RBPJ: variants seen among roughly 807,000 people sequenced by gnomAD.
RBPJ encodes the protein recombining binding protein suppressor of hairless.
In RBPJ, 9 loss-of-function variants were observed where a neutral mutation model predicts 67.8. The observed-to-expected ratio is 0.13, with a 90% CI of 0.08 to 0.23. The LOEUF is 0.23. Among genes scored for constraint, RBPJ ranks in the 10% least tolerant of loss-of-function variants. RBPJ has a pLI of 1.00. For synonymous variants in RBPJ, 198 were observed against 203.3 expected (o/e 0.97, Z 0.22); for missense variants, 305 against 595.6 (o/e 0.51, Z 5.08).
At chr4:26,339,476 A>T (rs1315686179) in intron 1 of RBPJ, among the ~76,000 whole-genome samples, 2 of 151,544 alleles carry the variant, frequency 1.3e-5, no homozygotes, top group Admixed American at 6.6e-5. Context: ...TCTACTAAAA[A>T]TACAAAAATT....
At chr4:26,160,477 A>C (rs985132674), upstream of RBPJ, among the ~76,000 whole-genome samples, 2 of 152,172 alleles carry the variant, frequency 1.3e-5, no homozygotes, top group African/African-American at 2.4e-5. Context: ...TTTTTTATGC[A>C]ATGTCCCCTA....
intron 1 of RBPJ, among the ~76,000 whole-genome samples, chr4:26,344,296 G>T (rs192275957): frequency 2.0e-5 from 3 of 152,092 alleles, no homozygotes; most frequent in Non-Finnish European, 4.4e-5. Context: ...GTGCAGTGGC[G>T]TGATTTCGGC....
chr4:26,178,806 T>C (rs1464346116), intron 1 of RBPJ, among the ~76,000 whole-genome samples: 1 of 151,792 alleles, frequency 6.6e-6, no homozygotes, highest in Non-Finnish European at 1.5e-5. Context: ...CGTTGCTTGC[T>C]GATTTAGTTA....
the RBPJ span, among the ~76,000 whole-genome samples, chr4:26,130,021 C>G: frequency 2.0e-5 from 3 of 151,926 alleles, no homozygotes; most frequent in Non-Finnish European, 4.4e-5. Flanking sequence ...ACCACCACGC[C>G]CAGCTAATTT....
intron 1 of RBPJ, among the ~76,000 whole-genome samples, chr4:26,263,318 G>T (rs1239333744): frequency 3.9e-5 from 2 of 51,672 alleles, no homozygotes; most frequent in African/African-American, 7.9e-5. Flanking sequence ...CAGCCCCCCC[G>T]CCCCACCCCG....
At chr4:26,159,099 TAGA>T (rs947559575), upstream of RBPJ, among the ~76,000 whole-genome samples, 1 of 152,074 alleles carries the variant, frequency 6.6e-6, no homozygotes, top group Non-Finnish European at 1.5e-5. Context: ...TGAACTTTGT[TAGA>T]AGGACTGTGA....
intron 1 of RBPJ, among the ~76,000 whole-genome samples, chr4:26,357,865 C>T (rs1434412209): frequency 2.0e-5 from 3 of 152,120 alleles, no homozygotes; most frequent in African/African-American, 4.8e-5. Flanking sequence ...ACCATAATGT[C>T]TTCAAGGTTC....
At chr4:26,178,448 A>G (rs971264633) in intron 1 of RBPJ, among the ~76,000 whole-genome samples, 6 of 151,836 alleles carry the variant, frequency 4.0e-5, no homozygotes, top group Non-Finnish European at 7.4e-5. Context: ...CTGTACAAAA[A>G]TTTTTTTTAA....
At chr4:26,427,553 TGTG>T (rs1355076448) in intron 7 of RBPJ, among the ~76,000 whole-genome samples, 1 of 152,130 alleles carries the variant, frequency 6.6e-6, no homozygotes, top group Admixed American at 6.5e-5. Context: ...TTGGAGCAGT[TGTG>T]GTCCTGAAAG....
intron 4 of RBPJ, among the ~76,000 whole-genome samples, chr4:26,416,861 GT>G (rs1734646453): frequency 6.6e-6 from 1 of 152,116 alleles, no homozygotes; most frequent in Admixed American, 6.5e-5. Context: ...AAATTTAGCT[GT>G]TTGTATGTCA....
chr4:26,170,309 G>C (rs1295619464), intron 1 of RBPJ, among the ~76,000 whole-genome samples: 1 of 152,196 alleles, frequency 6.6e-6, no homozygotes, highest in Non-Finnish European at 1.5e-5. Context: ...GGGAGGCCGA[G>C]GCGGGTGGAT....
intron 2 of RBPJ, among the ~76,000 whole-genome samples, chr4:26,398,060 A>G (rs1480355025): frequency 1.5e-5 from 2 of 134,120 alleles, no homozygotes; most frequent in African/African-American, 2.6e-5. Flanking sequence ...TAAAATGTTC[A>G]CGAGTGATAT....
At chr4:26,320,516 T>A, upstream of RBPJ, 1 of 490,780 alleles carries the variant, frequency 2.0e-6, no homozygotes. Flanking sequence ...TTTGAATGAA[T>A]GAAAATAGCT....
chr4:26,188,876 T>C (rs1227479225), intron 1 of RBPJ, among the ~76,000 whole-genome samples: 1 of 152,228 alleles, frequency 6.6e-6, no homozygotes, highest in Non-Finnish European at 1.5e-5. Flanking sequence ...AGATCTGATT[T>C]AATTAATTTT....
At chr4:26,215,403 G>GA (rs145781715) in intron 1 of RBPJ, among the ~76,000 whole-genome samples, 2,585 of 16,754 alleles carry the variant, frequency 0.15, 130 homozygotes, top group African/African-American at 0.39. Context: ...GGAAGGAAGG[G>GA]GGGGGAAGGA....
At chr4:26,115,734 A>G in the RBPJ span, among the ~76,000 whole-genome samples, 12 of 152,216 alleles carry the variant, frequency 7.9e-5, no homozygotes, top group African/African-American at 2.4e-4. Context: ...TTGCTGGCAC[A>G]TGTGAATGGG....
intron 1 of RBPJ, among the ~76,000 whole-genome samples, chr4:26,271,069 T>C (rs1720902618): frequency 6.6e-6 from 1 of 152,186 alleles, no homozygotes; most frequent in South Asian, 2.1e-4. Context: ...TGTGCCTAAT[T>C]TATTTTTTAA....
chr4:26,401,513 T>C (rs1221875953), intron 2 of RBPJ, among the ~76,000 whole-genome samples: 1 of 152,216 alleles, frequency 6.6e-6, no homozygotes, highest in Non-Finnish European at 1.5e-5. Flanking sequence ...TGATTATAAT[T>C]AAAATCTTTG....
rs140010264 is a variant in RBPJ at position 26,228,846 on chromosome 4, G to A, written c.-167+65232G>A. 4.6e-3 allele frequency among the ~76,000 whole-genome samples: 698 copies of A among 152,342 alleles called. 7 individuals are homozygous for A. The highest frequency in any genetic ancestry group is 0.016 in the African/African-American group (675 of 41,576). On this transcript the variant is annotated intron_variant, in intron 1 of 4. Coordinates refer to the RBPJ transcript ENST00000512351. The stretch of plus-strand genomic sequence containing the variant: ...TTCATACAGAACTTGGACCTGCAGA[G>A]CTTGGTACAGAAACTCTCTGTTACC...
Sources: allele counts gnomAD v4.1 joint callset (sites outside exome capture counted in the v4.1 genomes callset), GRCh38; gene constraint gnomAD v4.1.1; transcripts MANE v1.5; gene names NCBI Gene and HGNC (gene_info 2026-07-23, HGNC 2026-07-21).